HPSE2: variants seen among roughly 807,000 people sequenced by gnomAD.
HPSE2 encodes the protein inactive heparanase-2.
Under a neutral mutation model 60.5 loss-of-function variants are expected in HPSE2, and 38 were observed. The ratio of observed to expected loss-of-function variants is 0.63; its 90% CI spans 0.48 to 0.82. The LOEUF (loss-of-function observed/expected upper bound fraction) is 0.82, where lower values mean the gene tolerates loss of function less well. Among genes scored for constraint, HPSE2 ranks in the 40% least tolerant of loss-of-function variants. The probability of loss-of-function intolerance (pLI) is 0.00; values close to 1 mark genes in which losing one functional copy is unlikely to be tolerated. For missense variants in HPSE2, 713 were observed against 740.4 expected (o/e 0.96, Z 0.43); for synonymous variants, 295 against 293.2 (o/e 1.01, Z -0.06).
At chr10:98,764,710 A>G (rs1950081488) in intron 3 of HPSE2, among the ~76,000 whole-genome samples, 1 of 152,020 alleles carries the variant, frequency 6.6e-6, no homozygotes, top group South Asian at 2.1e-4. Flanking sequence ...CACAAAAATT[A>G]GCCGGGTGTG....
chr10:98,822,735 A>G (rs1000222284), intron 3 of HPSE2, among the ~76,000 whole-genome samples: 3 of 152,200 alleles, frequency 2.0e-5, no homozygotes, highest in African/African-American at 7.2e-5. Context: ...AGATAACGCT[A>G]TGCAAACACT....
At chr10:98,941,213 G>T (rs1378315447) in intron 3 of HPSE2, among the ~76,000 whole-genome samples, 2 of 135,184 alleles carry the variant, frequency 1.5e-5, no homozygotes, top group Admixed American at 7.5e-5. Flanking sequence ...ATTCAACATA[G>T]TGTTGGAAGT....
chr10:99,069,508 T>C (rs1407860554), intron 3 of HPSE2, among the ~76,000 whole-genome samples: 1 of 151,724 alleles, frequency 6.6e-6, no homozygotes, highest in African/African-American at 2.4e-5. Context: ...AAAGAAGTGA[T>C]TTTCCAATTT....
chr10:98,951,166 T>C (rs1247135125), intron 3 of HPSE2, among the ~76,000 whole-genome samples: 1 of 152,198 alleles, frequency 6.6e-6, no homozygotes, highest in East Asian at 1.9e-4. Flanking sequence ...TGGCCCCTTT[T>C]CTTTTTTAAA....
chr10:98,752,339 C>T (rs1421084561), intron 3 of HPSE2, among the ~76,000 whole-genome samples: 1 of 152,066 alleles, frequency 6.6e-6, no homozygotes, highest in Non-Finnish European at 1.5e-5. Context: ...TAAAAGAGTA[C>T]AAAGTAAAGA....
At chr10:99,109,069 A>T (rs1284965228) in intron 3 of HPSE2, among the ~76,000 whole-genome samples, 2 of 152,226 alleles carry the variant, frequency 1.3e-5, no homozygotes, top group Non-Finnish European at 2.9e-5. Flanking sequence ...TGTGAGTGAC[A>T]ACCTCTGCAT....
At chr10:98,602,743 C>T (rs1489732440) in intron 9 of HPSE2, among the ~76,000 whole-genome samples, 2 of 152,120 alleles carry the variant, frequency 1.3e-5, no homozygotes, top group Non-Finnish European at 2.9e-5. Context: ...ATTGGGACAA[C>T]TGTATCTACA....
At chr10:99,014,607 C>T (rs1957094118) in intron 3 of HPSE2, among the ~76,000 whole-genome samples, 1 of 152,176 alleles carries the variant, frequency 6.6e-6, no homozygotes, top group Non-Finnish European at 1.5e-5. Context: ...CACAACCTCA[C>T]CAGCATATGT....
intron 6 of HPSE2, among the ~76,000 whole-genome samples, chr10:98,654,018 C>A (rs968604628): frequency 6.6e-6 from 1 of 151,026 alleles, no homozygotes; most frequent in Non-Finnish European, 1.5e-5. Flanking sequence ...CCACTATTTT[C>A]ATGCTTGCAT....
chr10:98,862,660 C>A (rs955804164), intron 3 of HPSE2, among the ~76,000 whole-genome samples: 9 of 152,058 alleles, frequency 5.9e-5, no homozygotes, highest in Non-Finnish European at 1.2e-4. Flanking sequence ...GATAAAACAT[C>A]GGAATTGTAC....
At chr10:98,717,573 A>T (rs982914008) in intron 5 of HPSE2, among the ~76,000 whole-genome samples, 1 of 152,014 alleles carries the variant, frequency 6.6e-6, no homozygotes, top group African/African-American at 2.4e-5. Context: ...CATCTCAGGG[A>T]ATAGAAAAGC....
At chr10:98,481,089 T>A (rs1008957907) in intron 11 of HPSE2, among the ~76,000 whole-genome samples, 1 of 152,188 alleles carries the variant, frequency 6.6e-6, no homozygotes, top group African/African-American at 2.4e-5. Flanking sequence ...ACAGTCTTCC[T>A]GACACTGGGC....
chr10:98,702,405 G>C (rs111317659), intron 5 of HPSE2, among the ~76,000 whole-genome samples: 2 of 152,114 alleles, frequency 1.3e-5, no homozygotes, highest in Non-Finnish European at 2.9e-5. Flanking sequence ...AGATCAACGA[G>C]ACAGAAAATT....
chr10:99,084,781 A>G (rs1435057613), intron 3 of HPSE2, among the ~76,000 whole-genome samples: 2 of 152,244 alleles, frequency 1.3e-5, no homozygotes, highest in African/African-American at 4.8e-5. Context: ...AATTGTATTT[A>G]AAGAAGTAAA....
At chr10:99,308,550 C>T in the HPSE2 span, among the ~76,000 whole-genome samples, 1 of 151,924 alleles carries the variant, frequency 6.6e-6, no homozygotes. Context: ...AACCCTTTTT[C>T]TGTTTGCCCC....
intron 3 of HPSE2, among the ~76,000 whole-genome samples, chr10:98,792,429 C>T (rs1488129589): frequency 1.3e-5 from 2 of 152,230 alleles, no homozygotes; most frequent in Admixed American, 1.3e-4. Context: ...ATAACTAGTT[C>T]ACCGGTAACT....
At chr10:99,015,666 T>G in intron 3 of HPSE2, among the ~76,000 whole-genome samples, 12 of 146,280 alleles carry the variant, frequency 8.2e-5, no homozygotes, top group East Asian at 2.0e-4. Context: ...CGGGGCCTGT[T>G]GTGGGGTGGG....
intron 2 of HPSE2, among the ~76,000 whole-genome samples, chr10:99,185,298 C>T (rs1324609513): frequency 6.6e-6 from 1 of 151,730 alleles, no homozygotes; most frequent in East Asian, 1.9e-4. Context: ...AGCAAAGACT[C>T]TGTCTCAAAA....
intron 3 of HPSE2, among the ~76,000 whole-genome samples, chr10:98,811,202 TG>T (rs1951161759): frequency 6.6e-6 from 1 of 152,134 alleles, no homozygotes; most frequent in African/African-American, 2.4e-5. Context: ...AATGCTACTT[TG>T]TCAAGAAAGA....
Sources: gnomAD v4.1 joint callset for allele counts (sites outside exome capture counted in the v4.1 genomes callset) on GRCh38, gnomAD v4.1.1 for gene constraint, MANE v1.5 for transcripts, NCBI Gene and HGNC (gene_info 2026-07-23, HGNC 2026-07-21) for gene names.